Variants in TMC2 observed in about 807,000 individuals in gnomAD.
TMC2 encodes transmembrane channel-like protein 2.
TMC2 carries 102 observed loss-of-function variants against 105.9 expected under a neutral mutation model. The observed-to-expected ratio is 0.96, with a 90% confidence interval of 0.82 to 1.14. The LOEUF (loss-of-function observed/expected upper bound fraction) is 1.14. Ranked by LOEUF, TMC2 falls within the 50% of genes most tolerant of loss-of-function variation. The pLI, the probability that TMC2 is intolerant of heterozygous loss-of-function variation, is 0.00. For synonymous variants in TMC2, 402 were observed against 422.8 expected (o/e 0.95, Z 0.60); for missense variants, 1,093 against 1,134.3 (o/e 0.96, Z 0.52).
chr20:2,595,004 A>G lies in TMC2; in HGVS notation c.1076+37A>G, dbSNP rs768495707. On this transcript the variant is annotated intron_variant, in intron 9 of 19. Coordinates refer to ENST00000358864, the MANE Select transcript of TMC2 (RefSeq NM_080751.3). The stretch of plus-strand genomic sequence containing the variant: ...CGTCTCATCCGCAGGCTTTGACTTC[A>G]CAGCCACAGCTCACTCCCCTGGCCA... 5.0e-6 allele frequency: 8 copies of G among 1,597,682 alleles called. No homozygotes were observed. The South Asian group carries it at 9.1e-5, about 18-fold the overall frequency.
At chr20:2,631,810 T>TC (rs2086605538) in intron 17 of TMC2, among the ~76,000 whole-genome samples, 1 of 152,070 alleles carries the variant, frequency 6.6e-6, no homozygotes, top group African/African-American at 2.4e-5. Context: ...TTTTTCATCA[T>TC]ATTTGGGGAT....
intron 5 of TMC2, 84 bp downstream of exon 5, chr20:2,572,353 T>C: frequency 9.3e-7 from 1 of 1,077,532 alleles, no homozygotes; most frequent in Non-Finnish European, 1.4e-6. Context: ...ACTGCCCAGC[T>C]TCGCCATTTG....
chr20:2,576,451 T>C (rs779507914), intron 5 of TMC2, among the ~76,000 whole-genome samples: 10 of 152,162 alleles, frequency 6.6e-5, no homozygotes, highest in Non-Finnish European at 1.3e-4. Context: ...GTCAGGTGGT[T>C]GCCAAGGAAC....
intron 2 of TMC2, among the ~76,000 whole-genome samples, chr20:2,543,717 G>A (rs1295835448): frequency 6.6e-6 from 1 of 152,172 alleles, no homozygotes; most frequent in Non-Finnish European, 1.5e-5. Flanking sequence ...CTCAGTATGA[G>A]GGAAGATGGT....
At position 2,588,019 on chromosome 20, in the gene TMC2, C is replaced by A. The variant is rs1022933077; in HGVS notation, c.835-4291C>A. 3.3e-5 allele frequency among the ~76,000 whole-genome samples: 5 copies of A among 151,674 alleles called. No individual in the cohort carries two copies. The East Asian group carries it at 5.8e-4, about 18-fold the overall frequency. ...ACCCTCAATCTTGTATAATCCCCCC[C>A]CCCTTTGAGTATGGACAGAACCTAG... is the stretch of plus-strand genomic sequence containing the variant. On this transcript the variant is annotated intron_variant, in intron 7 of 19. Transcript: ENST00000358864.
chr20:2,601,818 C>G (rs2086353686), intron 10 of TMC2, among the ~76,000 whole-genome samples: 1 of 151,950 alleles, frequency 6.6e-6, no homozygotes, highest in African/African-American at 2.4e-5. Flanking sequence ...GCAACAAGAG[C>G]AAAACTCTGT....
At chr20:2,568,125 C>G (rs2086077262) in intron 4 of TMC2, among the ~76,000 whole-genome samples, 1 of 152,122 alleles carries the variant, frequency 6.6e-6, no homozygotes, top group Non-Finnish European at 1.5e-5. Context: ...GCAAAACTTA[C>G]AAATTCAAGA....
intron 19 of TMC2, among the ~76,000 whole-genome samples, 178 bp from the exon 20 acceptor site, chr20:2,640,955 AT>A (rs946329245): frequency 2.6e-5 from 4 of 152,018 alleles, no homozygotes; most frequent in Non-Finnish European, 4.4e-5. Context: ...CCTCCAACAG[AT>A]GTGTTTATGC....
intron 14 of TMC2, among the ~76,000 whole-genome samples, chr20:2,614,209 G>A (rs912428624): frequency 1.3e-5 from 2 of 152,156 alleles, no homozygotes; most frequent in African/African-American, 4.8e-5. Flanking sequence ...TTACTAAGAG[G>A]TCATTGTTCT....
At chr20:2,606,891 C>CTTTTTTTTTTTTTT (rs11476357) in intron 11 of TMC2, among the ~76,000 whole-genome samples, 70 of 83,956 alleles carry the variant, frequency 8.3e-4, no homozygotes, top group East Asian at 1.7e-3. Context: ...TTTCTTTTTT[C>CTTTTTTTTTTTTTT]TTTTTTTTTT....
chr20:2,592,750 G>A lies in TMC2; in HGVS notation c.933+342G>A, dbSNP rs1389252849. On this transcript the variant is annotated intron_variant, in intron 8 of 19. Transcript: ENST00000358864. This position sits in a 1 kb window ranked among gnomAD's most constrained non-coding sequence, Gnocchi z 4.9. ...CTATCTCCACTCCAGGCTTCCCCAA[G>A]TTTCACATGACATCTTCAACTGAAT... is the stretch of plus-strand genomic sequence containing the variant. Among the ~76,000 whole-genome samples, 4 of 152,074 alleles carry A rather than the reference G, an allele frequency of 2.6e-5. No homozygotes were observed. Among genetic ancestry groups the A allele is most frequent in the Non-Finnish European group, 5.9e-5 (4 of 68,020 alleles).
At chr20:2,580,478 T>C (rs946738603) in intron 7 of TMC2, among the ~76,000 whole-genome samples, 1 of 152,192 alleles carries the variant, frequency 6.6e-6, no homozygotes, top group Non-Finnish European at 1.5e-5. Flanking sequence ...TTTTTTTCTT[T>C]TACTCTCAGA....
intron 11 of TMC2, among the ~76,000 whole-genome samples, chr20:2,606,810 G>C (rs1846093438): frequency 7.4e-6 from 1 of 135,180 alleles, no homozygotes; most frequent in Non-Finnish European, 1.6e-5. Flanking sequence ...TCTTTTTCTT[G>C]TCATTGTCAT....
intron 9 of TMC2, 137 bp downstream of exon 9, chr20:2,595,104 T>G: frequency 9.9e-7 from 1 of 1,005,380 alleles, no homozygotes; most frequent in Non-Finnish European, 1.5e-6. Flanking sequence ...ATATGCACAT[T>G]ATAATTTGTG....
chr20:2,630,764 A>C (rs543061001), intron 17 of TMC2, among the ~76,000 whole-genome samples: 8 of 152,350 alleles, frequency 5.3e-5, no homozygotes, highest in Admixed American at 5.2e-4. Context: ...TTGAGGCTGC[A>C]GTGAACCATG....
intron 2 of TMC2, among the ~76,000 whole-genome samples, chr20:2,554,651 G>A (rs2085975599): frequency 6.6e-6 from 1 of 152,110 alleles, no homozygotes; most frequent in South Asian, 2.1e-4. Context: ...TTTAAATGTA[G>A]TCCAAAATAT....
At chr20:2,600,329 G>A (rs2086341265) in intron 10 of TMC2, among the ~76,000 whole-genome samples, 1 of 152,158 alleles carries the variant, frequency 6.6e-6, no homozygotes, top group African/African-American at 2.4e-5. Context: ...TGTGTCTAGG[G>A]CACAAGTTTA....
intron 17 of TMC2, among the ~76,000 whole-genome samples, chr20:2,634,828 C>T (rs1401571433): frequency 1.3e-5 from 2 of 152,206 alleles, no homozygotes; most frequent in African/African-American, 4.8e-5. Flanking sequence ...CTCTCCTCCC[C>T]TCACCTATAG....
intron 4 of TMC2, among the ~76,000 whole-genome samples, chr20:2,571,331 T>G (rs2086101172): frequency 6.6e-6 from 1 of 152,062 alleles, no homozygotes; most frequent in Non-Finnish European, 1.5e-5. Context: ...CATTAAAAAG[T>G]GGACAAAGAA....
Sources: gnomAD v4.1 joint callset for allele counts (sites outside exome capture counted in the v4.1 genomes callset) on GRCh38, gnomAD v4.1.1 for gene constraint, Gnocchi (gnomAD v3.1) non-coding constraint, MANE v1.5 for transcripts, NCBI Gene and HGNC (gene_info 2026-07-23, HGNC 2026-07-21) for gene names.